KRT8: variants seen among roughly 807,000 people sequenced by gnomAD.
KRT8 encodes keratin, type II cytoskeletal 8.
In KRT8, 24 loss-of-function variants were observed where a neutral mutation model predicts 43.0. The observed-to-expected ratio is 0.56, with a 90% CI of 0.40 to 0.78. The LOEUF (loss-of-function observed/expected upper bound fraction) is 0.78, where lower values mean the gene tolerates loss of function less well. Ranked by LOEUF, KRT8 falls within the 30% of genes least tolerant of loss-of-function variation. The probability of loss-of-function intolerance (pLI) is 0.00; values close to 1 mark genes in which losing one functional copy is unlikely to be tolerated. For synonymous variants in KRT8, 214 were observed against 261.2 expected, an observed-to-expected ratio of 0.82 and a Z score of 1.74; for missense variants, 492 against 638.4, an observed-to-expected ratio of 0.77 and a Z score of 2.47.
intron 2 of KRT8, among the ~76,000 whole-genome samples, chr12:52,931,739 T>C (rs1304348568): frequency 6.6e-6 from 1 of 152,020 alleles, no homozygotes; most frequent in African/African-American, 2.4e-5. Context: ...CTTGGCTCAC[T>C]GTAAACCCCG....
At chr12:52,902,347 A>C (rs1941392933) in intron 1 of KRT8, 4 of 483,508 alleles carry the variant, frequency 8.3e-6, no homozygotes, top group Non-Finnish European at 1.1e-5. Flanking sequence ...CAATAGGCCT[A>C]ACTTCATTTA....
chr12:52,941,228 G>GGATGATTT (rs1565734146), intron 2 of KRT8, among the ~76,000 whole-genome samples: 2 of 148,840 alleles, frequency 1.3e-5, no homozygotes, highest in Non-Finnish European at 3.0e-5. Context: ...CACCACGCCC[G>GGATGATTT]TCTATAAATC....
chr12:52,905,160 GC>G, upstream of KRT8: 1 of 1,230,868 alleles, frequency 8.1e-7, no homozygotes, highest in Non-Finnish European at 1.1e-6. Flanking sequence ...AGGGGGCTGG[GC>G]CTAACCCGTC....
At chr12:52,938,418 C>T (rs1003356572) in intron 2 of KRT8, among the ~76,000 whole-genome samples, 6 of 151,578 alleles carry the variant, frequency 4.0e-5, no homozygotes, top group South Asian at 2.1e-4. Context: ...CCGTTTGCCT[C>T]GGCCTCCCAA....
chr12:52,926,354 GA>G, intron 2 of KRT8: 2 of 604,248 alleles, frequency 3.3e-6, no homozygotes, highest in Non-Finnish European at 5.4e-6. Context: ...CCACCCCCAG[GA>G]CTGTGCCCTC....
At chr12:52,930,982 T>C (rs1942072986) in intron 2 of KRT8, among the ~76,000 whole-genome samples, 1 of 152,212 alleles carries the variant, frequency 6.6e-6, no homozygotes, top group Non-Finnish European at 1.5e-5. Context: ...TTCAAATCTT[T>C]CCAAGACATC....
At chr12:52,927,952 A>G (rs984653889) in intron 2 of KRT8, among the ~76,000 whole-genome samples, 3 of 152,166 alleles carry the variant, frequency 2.0e-5, no homozygotes, top group African/African-American at 7.2e-5. Flanking sequence ...GGTGGCAGGC[A>G]CCTGTAATCA....
rs1941346974 is a variant in KRT8, at chr12:52,900,700, G to A, written c.595-17C>T. 12 of 1,583,976 alleles carry A rather than the reference G, an allele frequency of 7.6e-6. No individual in the cohort carries two copies. Among genetic ancestry groups the A allele is most frequent in the Non-Finnish European group, 9.5e-6 (11 of 1,155,634 alleles). ...ATCCACATCCTGGGGGATGAGGAGA[G>A]GGGAGCCTGAGCTGGGTTTCCACAC... On this transcript the variant is annotated splice_polypyrimidine_tract_variant and intron_variant, in intron 3 of 7. Transcript: ENST00000692008.
At chr12:52,906,991 T>TAC (rs112479898), upstream of KRT8, 2,432 of 291,184 alleles carry the variant, frequency 8.4e-3, 10 homozygotes, top group African/African-American at 0.019. Flanking sequence ...CACGCGTGCA[T>TAC]ACACACACAC....
intron 2 of KRT8, among the ~76,000 whole-genome samples, chr12:52,912,261 G>A (rs1278452549): frequency 6.6e-6 from 1 of 152,122 alleles, no homozygotes; most frequent in African/African-American, 2.4e-5. Context: ...GGCAGCAGAG[G>A]GGAGATTCCT....
At chr12:52,909,430 C>G (rs1407155790), upstream of KRT8, among the ~76,000 whole-genome samples, 1 of 152,174 alleles carries the variant, frequency 6.6e-6, no homozygotes, top group Non-Finnish European at 1.5e-5. Flanking sequence ...GTGGGTACAC[C>G]CCTCAGGAAG....
At chr12:52,911,491 A>T (rs953075110), upstream of KRT8, among the ~76,000 whole-genome samples, 2 of 152,190 alleles carry the variant, frequency 1.3e-5, no homozygotes, top group Admixed American at 1.3e-4. Flanking sequence ...TCAGGGGGAG[A>T]CAGACAGACA....
chr12:52,908,008 C>T (rs942352159), upstream of KRT8, among the ~76,000 whole-genome samples: 6 of 152,210 alleles, frequency 3.9e-5, no homozygotes, highest in African/African-American at 1.2e-4. Flanking sequence ...GACAACTCTG[C>T]CTCAAACCGC....
chr12:52,921,218 C>G (rs1277118410), intron 2 of KRT8, among the ~76,000 whole-genome samples: 1 of 152,180 alleles, frequency 6.6e-6, no homozygotes, highest in Non-Finnish European at 1.5e-5. Context: ...CATCTATTCC[C>G]CAAGGCCACA....
chr12:52,912,896 C>T (rs1252010433), intron 2 of KRT8, among the ~76,000 whole-genome samples: 3 of 149,106 alleles, frequency 2.0e-5, no homozygotes, highest in Admixed American at 6.6e-5. Context: ...GCACAGGCAG[C>T]GTGACCAGGT....
At chr12:52,925,471 C>A (rs376397191) in intron 2 of KRT8, among the ~76,000 whole-genome samples, 13 of 152,124 alleles carry the variant, frequency 8.5e-5, no homozygotes, top group African/African-American at 2.9e-4. Context: ...TTTTCAGAAA[C>A]CTGCTCAACA....
intron 2 of KRT8, among the ~76,000 whole-genome samples, chr12:52,938,410 G>A (rs971067491): frequency 2.0e-5 from 3 of 151,402 alleles, no homozygotes; most frequent in East Asian, 2.0e-4. Flanking sequence ...CAAGTGATCC[G>A]TTTGCCTCGG....
At chr12:52,914,209 C>A (rs1255208829) in intron 2 of KRT8, among the ~76,000 whole-genome samples, 1 of 146,842 alleles carries the variant, frequency 6.8e-6, no homozygotes, top group Admixed American at 6.7e-5. Context: ...GGCGACAGAG[C>A]GAGACTCTGT....
intron 2 of KRT8, among the ~76,000 whole-genome samples, chr12:52,920,796 C>G (rs932923050): frequency 6.6e-6 from 1 of 152,178 alleles, no homozygotes; most frequent in Admixed American, 6.5e-5. Flanking sequence ...AATCCCAGTA[C>G]TTTGGAAGGC....
Sources: allele counts gnomAD v4.1 joint callset (sites outside exome capture counted in the v4.1 genomes callset), GRCh38; gene constraint gnomAD v4.1.1; transcripts MANE v1.5; gene names NCBI Gene and HGNC (gene_info 2026-07-23, HGNC 2026-07-21).